Variants in DROSHA observed in about 807,000 individuals in gnomAD.
The protein encoded by DROSHA is ribonuclease 3.
In DROSHA, 56 loss-of-function variants were observed where a neutral mutation model predicts 181.9. That is an observed-to-expected ratio of 0.31 (90% CI 0.25 to 0.38). The LOEUF is 0.38. Among genes scored for constraint, DROSHA ranks in the 10% least tolerant of loss-of-function variants. The pLI, the probability that DROSHA is intolerant of heterozygous loss-of-function variation, is 1.00. For missense variants in DROSHA, 1,218 were observed against 1,743.5 expected, an observed-to-expected ratio of 0.70 and a Z score of 5.37; for synonymous variants, 524 against 591.2, an observed-to-expected ratio of 0.89 and a Z score of 1.65.
chr5:31,430,047 A>G (rs1378092196), intron 26 of DROSHA, among the ~76,000 whole-genome samples: 1 of 152,218 alleles, frequency 6.6e-6, no homozygotes, highest in Non-Finnish European at 1.5e-5. Context: ...AGCATTAGGC[A>G]AACACATTAA....
intron 35 of DROSHA, among the ~76,000 whole-genome samples, chr5:31,404,301 ACT>A (rs1020035048): frequency 2.6e-5 from 4 of 152,162 alleles, no homozygotes; most frequent in Admixed American, 6.5e-5. Flanking sequence ...CTTTTATTTC[ACT>A]CTGATTGCAA....
At chr5:31,469,491 T>C (rs1278700898) in intron 17 of DROSHA, among the ~76,000 whole-genome samples, 1 of 152,264 alleles carries the variant, frequency 6.6e-6, no homozygotes, top group East Asian at 1.9e-4. Context: ...TGTTCACATG[T>C]AATCCATTAT....
In DROSHA at chr5:31,421,275, T is replaced by C; in HGVS notation, c.3522A>G (p.Leu1174=). 6.2e-7 allele frequency: 1 copy of C among 1,612,558 alleles called. No individual in the cohort carries two copies. The highest frequency in any genetic ancestry group is 8.5e-7 in the Non-Finnish European group (1 of 1,178,712). ...IHFPDHHEGH[L]TLLRSSLVNN... Reference sequence around the variant, plus strand: ...GGAAGTGATTTAACCAACTCACAGTTAAGTGTCCTTCATGATGATCTGGGA... The same window carrying C: ...GGAAGTGATTTAACCAACTCACAGTCAAGTGTCCTTCATGATGATCTGGGA... Residue 1174 remains leucine (L), a synonymous_variant, in exon 30 of 36, where the codon TTA becomes TTG. Coordinates refer to ENST00000344624, the MANE Select transcript of DROSHA (RefSeq NM_001382508.1).
At position 31,433,810 on chromosome 5, in the gene DROSHA, G is replaced by A. The variant is rs184404463; in HGVS notation, c.3042+1955C>T. On this transcript the variant is annotated intron_variant, in intron 25 of 35. Transcript: ENST00000344624. ...ATCTGCCTGCCTCGGCTTACCTCCT[G>A]TAATCATGCTGGGATTACAGGCATA... Among the ~76,000 whole-genome samples, 14 of 152,162 alleles carry A rather than the reference G, an allele frequency of 9.2e-5. No homozygotes were observed. In the East Asian group the frequency reaches 2.7e-3, roughly 30 times the overall value.
At chr5:31,432,093 A>T (rs1744247855) in intron 25 of DROSHA, among the ~76,000 whole-genome samples, 1 of 152,056 alleles carries the variant, frequency 6.6e-6, no homozygotes, top group Non-Finnish European at 1.5e-5. Context: ...TCTTTGACTC[A>T]AGTCATGTGG....
intron 34 of DROSHA, 52 bp from the exon 35 acceptor site, chr5:31,405,775 T>A: frequency 1.5e-6 from 2 of 1,320,716 alleles, no homozygotes; most frequent in Non-Finnish European, 2.0e-6. Flanking sequence ...TTCTTTTTTT[T>A]TTTTTTTTTT....
At position 31,511,133 on chromosome 5, in the gene DROSHA, T is replaced by C; in HGVS notation, c.1334A>G (p.Tyr445Cys). Residue 445 changes from tyrosine (Y) to cysteine (C), a missense_variant, in exon 9 of 36, where the codon TAT becomes TGT. This residue lies in a region of DROSHA where 460 missense variants were observed against 774.2 expected (regional missense o/e 0.59). Transcript: ENST00000344624. ...VVGTSRLRDL[Y>C]DKFEEELGSR... ...CCCCAACTCCTCCTCAAATTTGTCA[T>C]ATAAGTCACGAAGCCTACTCGTTCC... 1.2e-6 allele frequency: 2 copies of C among 1,613,932 alleles called. No homozygotes were observed. The highest frequency in any genetic ancestry group is 1.7e-6 in the Non-Finnish European group (2 of 1,179,866).
At chr5:31,498,573 G>A (rs1644271339) in intron 11 of DROSHA, among the ~76,000 whole-genome samples, 2 of 152,114 alleles carry the variant, frequency 1.3e-5, no homozygotes, top group African/African-American at 4.8e-5. Context: ...ACGGGAAAAG[G>A]CTGGCCAGGC....
In DROSHA at chr5:31,514,869, T is replaced by C. The variant is rs1739105377; in HGVS notation, c.1290+119A>G. 4 of 920,240 alleles carry C rather than the reference T, an allele frequency of 4.3e-6. No individual in the cohort carries two copies. Among genetic ancestry groups the C allele is most frequent in the Non-Finnish European group, 4.9e-6 (3 of 612,366 alleles). The allele number at this position is 920,240 out of a possible 1,614,324, so 57.0% of individuals were successfully genotyped here. On this transcript the variant is annotated intron_variant, in intron 8 of 35. Transcript: ENST00000344624. The surrounding 1 kb of genome is among the most constrained non-coding windows in gnomAD (Gnocchi z 4.4). ...AACAGGTAGAGCCCAGAGATGCCGC[T>C]AAACATCCTACAATGCATAGGGCAG...
In DROSHA at chr5:31,476,985, G is replaced by T. The variant is rs188262656; in HGVS notation, c.2072-4753C>A. Among the ~76,000 whole-genome samples, 182 of 152,322 alleles carry T rather than the reference G, an allele frequency of 1.2e-3. 4 individuals carry two copies. The highest frequency in any genetic ancestry group is 0.012 in the Admixed American group (179 of 15,296). On this transcript the variant is annotated intron_variant, in intron 16 of 35. Coordinates refer to ENST00000344624, the MANE Select transcript of DROSHA (RefSeq NM_001382508.1). ...GAGCCATGTCACTGAGGGCTAGGAA[G>T]TAATTTTTATCTTGTTGGCTGAAAT...
intron 6 of DROSHA, among the ~76,000 whole-genome samples, chr5:31,515,908 C>T (rs1257204813): frequency 6.6e-6 from 1 of 152,208 alleles, no homozygotes; most frequent in Non-Finnish European, 1.5e-5. Context: ...TCCCTGACTT[C>T]CTGGGGCTTG....
intron 16 of DROSHA, among the ~76,000 whole-genome samples, chr5:31,474,508 T>G (rs1371423993): frequency 5.9e-5 from 9 of 152,058 alleles, no homozygotes; most frequent in African/African-American, 2.2e-4. Flanking sequence ...GACTACAGGC[T>G]TGTGCCACCA....
chr5:31,498,152 G>C (rs1157641937), intron 11 of DROSHA, among the ~76,000 whole-genome samples: 1 of 152,218 alleles, frequency 6.6e-6, no homozygotes, highest in African/African-American at 2.4e-5. Context: ...CTCCAGGCTA[G>C]GTTGTAGACT....
intron 23 of DROSHA, among the ~76,000 whole-genome samples, chr5:31,438,694 C>T (rs1387654191): frequency 6.6e-6 from 1 of 151,998 alleles, no homozygotes. Context: ...TGGGCTAGGA[C>T]ACAGTTGCTA....
At chr5:31,480,178 G>GTATATATA (rs55828936) in intron 16 of DROSHA, among the ~76,000 whole-genome samples, 4,878 of 84,600 alleles carry the variant, frequency 0.058, 511 homozygotes, top group East Asian at 0.13. Context: ...GGCAATGTCA[G>GTATATATA]TATATATATA....
chr5:31,436,533 C>T (rs576703518), intron 24 of DROSHA, among the ~76,000 whole-genome samples: 1 of 152,018 alleles, frequency 6.6e-6, no homozygotes, highest in Non-Finnish European at 1.5e-5. Context: ...GCTGGGACTA[C>T]AGGCATGCAC....
intron 17 of DROSHA, 120 bp downstream of exon 17, chr5:31,471,943 C>T: frequency 6.5e-6 from 6 of 926,770 alleles, no homozygotes; most frequent in Non-Finnish European, 7.5e-6. Flanking sequence ...AAAAATTATC[C>T]AAGGACAAGA....
intron 23 of DROSHA, among the ~76,000 whole-genome samples, chr5:31,447,509 G>C (rs1746456378): frequency 6.6e-6 from 1 of 152,114 alleles, no homozygotes; most frequent in Non-Finnish European, 1.5e-5. Flanking sequence ...AATAAACTCA[G>C]AATAGCTAAA....
At chr5:31,487,447 TA>T (rs1751920150) in intron 13 of DROSHA, among the ~76,000 whole-genome samples, 1 of 152,208 alleles carries the variant, frequency 6.6e-6, no homozygotes, top group Non-Finnish European at 1.5e-5. Flanking sequence ...TTTCCGTAAA[TA>T]TATTTTTGAA....
Sources: allele counts gnomAD v4.1 joint callset (sites outside exome capture counted in the v4.1 genomes callset), GRCh38; gene constraint gnomAD v4.1.1; regional missense constraint gnomAD v4.1.1; non-coding constraint Gnocchi (gnomAD v3.1); transcripts MANE v1.5; gene names NCBI Gene and HGNC (gene_info 2026-07-23, HGNC 2026-07-21).